DMD: variants seen among roughly 807,000 people sequenced by gnomAD.
The protein encoded by DMD is dystrophin.
Under a neutral mutation model 330.1 loss-of-function variants are expected in DMD, and 63 were observed. That is an observed-to-expected ratio of 0.19 (90% confidence interval 0.16 to 0.24). The LOEUF (loss-of-function observed/expected upper bound fraction) is 0.24. Among genes scored for constraint, DMD ranks in the 10% least tolerant of loss-of-function variants. DMD has a pLI of 1.00. For missense variants in DMD, 3,344 were observed against 2,684.1 expected, an observed-to-expected ratio of 1.25 and a Z score of -5.43; for synonymous variants, 1,223 against 959.8, an observed-to-expected ratio of 1.27 and a Z score of -5.07.
chrX:32,037,956 A>G (rs1432111833), intron 44 of DMD, among the ~76,000 whole-genome samples: 1 of 111,666 alleles, frequency 9.0e-6, no homozygotes, highest in Non-Finnish European at 1.9e-5. Context: ...CCAGGCTACA[A>G]CTTTAATGTG....
At chrX:32,022,825 CTT>C (rs753993138) in intron 44 of DMD, among the ~76,000 whole-genome samples, 59 of 90,365 alleles carry the variant, frequency 6.5e-4, no homozygotes, top group South Asian at 2.0e-3. Context: ...GTATAATCCT[CTT>C]TTTTTTTTTT....
chrX:32,166,950 G>A (rs1386719212), intron 44 of DMD, among the ~76,000 whole-genome samples: 1 of 111,973 alleles, frequency 8.9e-6, no homozygotes, highest in Non-Finnish European at 1.9e-5. Context: ...CACCACATAT[G>A]TATAAAAATA....
chrX:32,129,748 A>AGG (rs2096680873), intron 44 of DMD, among the ~76,000 whole-genome samples: 2 of 107,923 alleles, frequency 1.9e-5, no homozygotes, highest in East Asian at 5.8e-4. Context: ...AGAGAGAGAG[A>AGG]GAGAGAGAAA....
chrX:31,474,839 A>G (rs1237600604), intron 59 of DMD, among the ~76,000 whole-genome samples: 1 of 111,297 alleles, frequency 9.0e-6, no homozygotes. Flanking sequence ...AAAAATGGGA[A>G]GAGTGGTTTC....
intron 62 of DMD, among the ~76,000 whole-genome samples, chrX:31,310,517 T>C (rs2055419529): frequency 9.3e-6 from 1 of 107,330 alleles, no homozygotes; most frequent in Non-Finnish European, 1.9e-5. Context: ...CCTACATTTT[T>C]CGGATAGAGA....
chrX:32,950,584 T>G (rs759447760), intron 2 of DMD, among the ~76,000 whole-genome samples: 1 of 111,457 alleles, frequency 9.0e-6, no homozygotes, highest in South Asian at 3.8e-4. Context: ...ATCAGCCTTC[T>G]TTACAGGTTA....
At chrX:31,817,482 T>C (rs73461891) in intron 50 of DMD, among the ~76,000 whole-genome samples, 14,538 of 110,593 alleles carry the variant, frequency 0.13, 720 homozygotes, top group Admixed American at 0.19. Flanking sequence ...TTTTTTTTCA[T>C]TCAACATTTG....
intron 52 of DMD, among the ~76,000 whole-genome samples, chrX:31,708,114 G>GA (rs1294106453): frequency 2.7e-5 from 3 of 111,664 alleles, no homozygotes; most frequent in African/African-American, 9.8e-5. Flanking sequence ...CAGCTATCCT[G>GA]AAAAAATTAG....
In DMD at chrX:31,641,345, C is replaced by CA. The variant is rs11354755; in HGVS notation, c.8028-13484dup. ...TGAAACCCTGTCTCTACTAAAAATA[C>CA]AAAAAAAATTAGCAGGGCGTGGTGG... On this transcript the variant is annotated intron_variant, in intron 54 of 78. Transcript: ENST00000357033. Among the ~76,000 whole-genome samples, 260 of 106,781 alleles carry CA rather than the reference C, an allele frequency of 2.4e-3. 2 individuals carry two copies. The highest frequency in any genetic ancestry group is 8.7e-3 in the African/African-American group (256 of 29,283). The allele number at this position is 106,781 out of a possible 115,157, so 92.7% of individuals were successfully genotyped here. A position where few individuals can be genotyped will look rare whatever the true frequency, so the allele number is the denominator to read the frequency against.
intron 2 of DMD, among the ~76,000 whole-genome samples, chrX:32,954,186 C>T (rs2091432208): frequency 8.9e-6 from 1 of 112,124 alleles, no homozygotes; most frequent in African/African-American, 3.2e-5. Context: ...TAGTTCTGTG[C>T]AACAGGTTCC....
chrX:32,343,081 GTTAA>G (rs1222190720), intron 40 of DMD, 49 bp downstream of exon 40: 9 of 1,089,072 alleles, frequency 8.3e-6, no homozygotes, highest in African/African-American at 1.8e-5. Flanking sequence ...ATCTTCACAG[GTTAA>G]TTAAACTGTA....
At chrX:31,291,449 G>A (rs955006260) in intron 62 of DMD, among the ~76,000 whole-genome samples, 1 of 111,593 alleles carries the variant, frequency 9.0e-6, no homozygotes, top group Non-Finnish European at 1.9e-5. Flanking sequence ...CTTACGCTTC[G>A]CTAGCCTTGC....
At chrX:31,837,354 C>T (rs1457418636) in intron 48 of DMD, among the ~76,000 whole-genome samples, 1 of 111,483 alleles carries the variant, frequency 9.0e-6, no homozygotes, top group African/African-American at 3.3e-5. Flanking sequence ...GTCAAACAGG[C>T]CTTCTGAAGA....
intron 7 of DMD, among the ~76,000 whole-genome samples, chrX:32,751,664 T>G (rs1304924530): frequency 8.9e-6 from 1 of 112,723 alleles, no homozygotes; most frequent in African/African-American, 3.2e-5. Flanking sequence ...GAACTGAATG[T>G]TAATCACCAA....
At chrX:32,058,793 C>A (rs1200804241) in intron 44 of DMD, among the ~76,000 whole-genome samples, 1 of 111,495 alleles carries the variant, frequency 9.0e-6, no homozygotes, top group Non-Finnish European at 1.9e-5. Context: ...GAGATATCTG[C>A]ATTCCCATGT....
intron 1 of DMD, among the ~76,000 whole-genome samples, chrX:33,028,308 T>C (rs1474340580): frequency 8.9e-6 from 1 of 111,790 alleles, no homozygotes; most frequent in Non-Finnish European, 1.9e-5. Flanking sequence ...TAATCAATGA[T>C]AAAGCTAAAT....
chrX:32,654,873 T>G (rs368610672), intron 9 of DMD, among the ~76,000 whole-genome samples: 1 of 111,755 alleles, frequency 8.9e-6, no homozygotes, highest in East Asian at 2.8e-4. Context: ...TGGTTTAGTC[T>G]TGGGAGGGTG....
chrX:31,918,902 GC>G (rs2094647905), intron 47 of DMD, among the ~76,000 whole-genome samples: 1 of 111,892 alleles, frequency 8.9e-6, no homozygotes, highest in South Asian at 3.7e-4. Flanking sequence ...CTCCCAAAGT[GC>G]TGGGATTACA....
At chrX:32,478,106 G>A (rs1441159036) in intron 21 of DMD, among the ~76,000 whole-genome samples, 4 of 111,445 alleles carry the variant, frequency 3.6e-5, no homozygotes, top group Non-Finnish European at 7.6e-5. Context: ...TTAGATAGAA[G>A]CTGGAAAAGG....
Sources: gnomAD v4.1 joint callset for allele counts (sites outside exome capture counted in the v4.1 genomes callset) on GRCh38, gnomAD v4.1.1 for gene constraint, MANE v1.5 for transcripts, NCBI Gene and HGNC (gene_info 2026-07-23, HGNC 2026-07-21) for gene names.